The following ZCCHC2 variants were observed in gnomAD, a reference collection of about 807,000 sequenced individuals.
ZCCHC2 encodes zinc finger CCHC domain-containing protein 2.
In ZCCHC2, 39 loss-of-function variants were observed where a neutral mutation model predicts 103.6. The ratio of observed to expected loss-of-function variants is 0.38; its 90% CI spans 0.29 to 0.49. The LOEUF (loss-of-function observed/expected upper bound fraction) is 0.49. Ranked by LOEUF, ZCCHC2 falls within the 20% of genes least tolerant of loss-of-function variation. The pLI, the probability that ZCCHC2 is intolerant of heterozygous loss-of-function variation, is 0.96. For missense variants in ZCCHC2, 1,483 were observed against 1,491.0 expected, an observed-to-expected ratio of 0.99 and a Z score of 0.09; for synonymous variants, 687 against 608.9, an observed-to-expected ratio of 1.13 and a Z score of -1.89.
rs1013559700 is a variant in ZCCHC2 at position 62,574,335 on chromosome 18, G to T, written c.2254G>T (p.Val752Phe). Residue 752 changes from valine to phenylalanine, a missense_variant, in exon 13 of 14, where the codon GTT (valine) becomes TTT (phenylalanine). Transcript: ENST00000269499. ...TGATGGCAAAACCATAGGGATGCTT[G>T]TTCCTAGTCCTGTTGCTATTTCTGC... ...PADGKTIGML[V>F]PSPVAISAIR... 9.9e-6 allele frequency: 16 copies of T among 1,614,050 alleles called. No homozygotes were observed. The highest frequency in any genetic ancestry group is 1.6e-4 in the Middle Eastern group (1 of 6,062).
Position 62,527,824 on chromosome 18 carries a change from A to G in ZCCHC2, c.939+3461A>G, listed in dbSNP as rs138033242. Among the ~76,000 whole-genome samples the G allele has an allele frequency of 9.2e-3, 1,396 of 152,338 alleles. 23 individuals are homozygous for G. Among genetic ancestry groups the G allele is most frequent in the African/African-American group, 0.032 (1,314 of 41,580 alleles). On this transcript the variant is annotated intron_variant, in intron 1 of 13. Coordinates refer to ENST00000269499, the MANE Select transcript of ZCCHC2 (RefSeq NM_017742.6). ...CTTCCTATTATTAGGAAGCCAAACT[A>G]TAAATTGTGTGTTAGCAACAAAAAA... is the stretch of plus-strand genomic sequence containing the variant.
chr18:62,531,484 A>G (rs1210249601), intron 1 of ZCCHC2, among the ~76,000 whole-genome samples: 2 of 152,220 alleles, frequency 1.3e-5, no homozygotes, highest in Non-Finnish European at 2.9e-5. Context: ...GGTCTTCCCA[A>G]AGTCCAGAGT....
rs960425132 is a variant in ZCCHC2 at position 62,543,019 on chromosome 18, A to T, written c.1128+445A>T. On this transcript the variant is annotated intron_variant, in intron 3 of 13. Coordinates refer to ENST00000269499, the MANE Select transcript of ZCCHC2 (RefSeq NM_017742.6). The stretch of plus-strand genomic sequence containing the variant: ...CCTTTCCACAGCTGGGATTAGCTGT[A>T]GAGCCCAGCTCTGATTCTGTGCTCC... Among the ~76,000 whole-genome samples, 195 of 152,286 alleles carry T rather than the reference A, an allele frequency of 1.3e-3. 1 individual carries two copies. The highest frequency in any genetic ancestry group is 1.0e-3 in the Non-Finnish European group (68 of 68,040).
intron 1 of ZCCHC2, among the ~76,000 whole-genome samples, chr18:62,530,407 G>A (rs1914627141): frequency 6.6e-6 from 1 of 152,118 alleles, no homozygotes; most frequent in South Asian, 2.1e-4. Context: ...GTATTAATAA[G>A]ATGTGAAATA....
chr18:62,525,498 C>T (rs1300143781), intron 1 of ZCCHC2: 1 of 147,084 alleles, frequency 6.8e-6, no homozygotes, highest in Admixed American at 6.9e-5. Flanking sequence ...CTTGCTTGAA[C>T]GTTAATTCAG....
At position 62,523,918 on chromosome 18, in the gene ZCCHC2, G is replaced by T; in HGVS notation, c.494G>T (p.Arg165Leu). ...LSDPGPLADF[R>L]EPAVRSRLIV... ...GACCCGGGGCCGCTGGCCGACTTCCGAGAGCCCGCGGTGCGCTCGCGCCTC... is the reference window on the plus strand; with the variant it reads ...GACCCGGGGCCGCTGGCCGACTTCCTAGAGCCCGCGGTGCGCTCGCGCCTC... The change falls in exon 1 of 14, where the codon CGA becomes CTA. Residue 165 changes from arginine to leucine, a missense_variant. Arg to Leu is a moderately radical substitution (Grantham distance 102, BLOSUM62 -2). This residue lies in a region of ZCCHC2 where 568 missense variants were observed against 525.1 expected (regional missense o/e 1.08). Coordinates refer to ENST00000269499, the MANE Select transcript of ZCCHC2 (RefSeq NM_017742.6). The T allele has an allele frequency of 6.5e-7, 1 of 1,533,832 alleles. No homozygotes were observed. The highest frequency in any genetic ancestry group is 8.7e-7 in the Non-Finnish European group (1 of 1,143,510).
downstream of ZCCHC2, among the ~76,000 whole-genome samples, chr18:62,583,552 A>G (rs1270047516): frequency 1.3e-5 from 2 of 152,160 alleles, no homozygotes; most frequent in Non-Finnish European, 2.9e-5. Flanking sequence ...TCACTTCTCC[A>G]TACTGATTGC....
chr18:62,549,093 C>T (rs1337025784), intron 4 of ZCCHC2, among the ~76,000 whole-genome samples: 1 of 151,236 alleles, frequency 6.6e-6, no homozygotes, highest in Non-Finnish European at 1.5e-5. Context: ...GGGGCGGGTG[C>T]GTGTAGTCCC....
chr18:62,568,300 G>A (rs1916457292), intron 11 of ZCCHC2, among the ~76,000 whole-genome samples: 2 of 152,162 alleles, frequency 1.3e-5, no homozygotes, highest in Non-Finnish European at 2.9e-5. Flanking sequence ...TTCAGTTTGT[G>A]TGTCTTTTTA....
At chr18:62,583,501 A>G (rs1288792541), downstream of ZCCHC2, among the ~76,000 whole-genome samples, 3 of 152,218 alleles carry the variant, frequency 2.0e-5, no homozygotes, top group Non-Finnish European at 4.4e-5. Context: ...AGCACCTAGT[A>G]CTTAACAGCA....
At position 62,524,165 on chromosome 18, in the gene ZCCHC2, C is replaced by G; in HGVS notation, c.741C>G (p.Val247=). ...GPEGGIVEPR[V]GGGLGSRAQE... is the part of the protein sequence containing the mutation. Reference sequence around the variant, plus strand: ...AAGGCGGCATTGTGGAGCCCCGGGTCGGCGGCGGGCTTGGCTCCAGGGCCC... The same window carrying G: ...AAGGCGGCATTGTGGAGCCCCGGGTGGGCGGCGGGCTTGGCTCCAGGGCCC... Residue 247 remains valine, a synonymous_variant, in exon 1 of 14, where the codon GTC becomes GTG. Transcript: ENST00000269499. The G allele has an allele frequency of 1.3e-6, 2 of 1,546,858 alleles. No individual in the cohort carries two copies. The highest frequency in any genetic ancestry group is 8.7e-7 in the Non-Finnish European group (1 of 1,146,056).
chr18:62,571,084 C>T (rs1916582171), intron 12 of ZCCHC2, among the ~76,000 whole-genome samples: 1 of 152,230 alleles, frequency 6.6e-6, no homozygotes, highest in African/African-American at 2.4e-5. Context: ...TTCTGGTCAG[C>T]CTCTTGTCAG....
intron 3 of ZCCHC2, among the ~76,000 whole-genome samples, chr18:62,543,589 T>G: frequency 6.6e-6 from 1 of 152,204 alleles, no homozygotes; most frequent in South Asian, 2.1e-4. Context: ...TCCTAAAGGC[T>G]TCACTGTCCT....
chr18:62,574,194 G>A lies in ZCCHC2; in HGVS notation c.2113G>A (p.Glu705Lys), dbSNP rs367680462. 5.6e-6 allele frequency: 9 copies of A among 1,613,876 alleles called. No homozygotes were observed. Among genetic ancestry groups the A allele is most frequent in the Non-Finnish European group, 7.6e-6 (9 of 1,179,890 alleles). The part of the protein sequence containing the change: ...SLGNENGNLL[E>K]DPLNSPKYQH... ...AGGAAATGAGAATGGAAACCTTTTA[G>A]AAGATCCCTTAAACTCACCCAAGTA... is the stretch of plus-strand genomic sequence containing the variant. Residue 705 changes from glutamate (E) to lysine (K), a missense_variant, in exon 13 of 14, where the codon GAA becomes AAA. Around this residue, in one of 3 missense-constraint regions of ZCCHC2, gnomAD observed 884 missense variants for 907.5 expected, o/e 0.97. Transcript: ENST00000269499.
intron 13 of ZCCHC2, 40 bp downstream of exon 13, chr18:62,575,590 A>G: frequency 2.5e-6 from 4 of 1,578,744 alleles, no homozygotes; most frequent in Non-Finnish European, 3.5e-6. Flanking sequence ...TTTTGAGTTC[A>G]CTCATTTCTC....
intron 1 of ZCCHC2, among the ~76,000 whole-genome samples, chr18:62,533,428 G>A (rs1724152831): frequency 6.6e-6 from 1 of 151,930 alleles, no homozygotes; most frequent in Admixed American, 6.6e-5. Flanking sequence ...CTGAGGCTGA[G>A]GCAGCAGAAT....
In ZCCHC2 at chr18:62,563,078, G is replaced by A. The variant is rs1405369492; in HGVS notation, c.1620G>A (p.Val540=). The change falls in exon 9 of 14, where the codon GTG becomes GTA. Residue 540 remains valine (V), a synonymous_variant. Transcript: ENST00000269499. Reference sequence around the variant, plus strand: ...AATATTCTGAACAGAATGGAATTGTGGATTGGAGGAAGCAAAGCTGTACCA... The same window carrying A: ...AATATTCTGAACAGAATGGAATTGTAGATTGGAGGAAGCAAAGCTGTACCA... The part of the protein sequence containing the change: ...TMQYSEQNGI[V]DWRKQSCTTI... 1 of 1,613,810 alleles carries A rather than the reference G, an allele frequency of 6.2e-7. No homozygotes were observed. The highest frequency in any genetic ancestry group is 2.2e-5 in the East Asian group (1 of 44,896).
At chr18:62,553,651 A>G (rs937557715) in intron 5 of ZCCHC2, among the ~76,000 whole-genome samples, 7 of 152,158 alleles carry the variant, frequency 4.6e-5, no homozygotes, top group Non-Finnish European at 1.0e-4. Flanking sequence ...TTTTCAAACT[A>G]TTTCTAAAAA....
chr18:62,534,006 G>A (rs1914812925), intron 1 of ZCCHC2, among the ~76,000 whole-genome samples: 1 of 152,146 alleles, frequency 6.6e-6, no homozygotes, highest in Non-Finnish European at 1.5e-5. Flanking sequence ...GGAAATAAGA[G>A]GAATTGTTTC....
Sources: gnomAD v4.1 joint callset for allele counts (sites outside exome capture counted in the v4.1 genomes callset) on GRCh38, gnomAD v4.1.1 for gene constraint, gnomAD v4.1.1 regional missense constraint, MANE v1.5 for transcripts, NCBI Gene and HGNC (gene_info 2026-07-23, HGNC 2026-07-21) for gene names.